The following SENP3 variants were observed in gnomAD, a reference collection of about 807,000 sequenced individuals.
SENP3 encodes the protein sentrin-specific protease 3.
Under a neutral mutation model 66.2 loss-of-function variants are expected in SENP3, and 11 were observed. The observed-to-expected ratio is 0.17, with a 90% CI of 0.10 to 0.28. SENP3 has a LOEUF of 0.28. Ranked by LOEUF, SENP3 falls within the 10% of genes least tolerant of loss-of-function variation. SENP3 has a pLI of 1.00. For missense variants in SENP3, 548 were observed against 743.7 expected (o/e 0.74, Z 3.06); for synonymous variants, 292 against 277.6 (o/e 1.05, Z -0.52).
Position 7,562,341 on chromosome 17 carries a change from G to A in SENP3, c.-12+78G>A. ...TGGGCCTCGCTCCCACCGAACCGGGGCCCAGAGGCCCGCATAGGGGCTTCT... is the reference window on the plus strand; with the variant it reads ...TGGGCCTCGCTCCCACCGAACCGGGACCCAGAGGCCCGCATAGGGGCTTCT... On this transcript the variant is annotated intron_variant, in intron 1 of 10. Transcript: ENST00000321337. This position sits in a 1 kb window ranked among gnomAD's most constrained non-coding sequence, Gnocchi z 5.0. 1.0e-5 allele frequency: 4 copies of A among 396,194 alleles called. No individual in the cohort carries two copies. Among genetic ancestry groups the A allele is most frequent in the Non-Finnish European group, 1.3e-5 (3 of 224,772 alleles). The allele number at this position is 396,194 out of a possible 1,614,324, so 24.5% of individuals were successfully genotyped here.
In SENP3 at chr17:7,564,940, C is replaced by T. The variant is rs1597839306; in HGVS notation, c.956-19C>T. 1 of 1,611,772 alleles carries T rather than the reference C, an allele frequency of 6.2e-7. No homozygotes were observed. Among genetic ancestry groups the T allele is most frequent in the East Asian group, 2.2e-5 (1 of 44,816 alleles). On this transcript the variant is annotated intron_variant, in intron 3 of 10. Coordinates refer to ENST00000321337, the MANE Select transcript of SENP3 (RefSeq NM_015670.6). ...GAGAGTCTGGAGGCCTCACCCCCTC[C>T]TCTCTCCCTTTCCACCAGGCATCTT...
At chr17:7,563,869 G>C in intron 2 of SENP3, 78 bp downstream of exon 2, 2 of 1,265,042 alleles carry the variant, frequency 1.6e-6, no homozygotes, top group South Asian at 3.1e-5. Context: ...GGAGCCTGTT[G>C]CCATGGTGAG....
chr17:7,563,305 G>A lies in SENP3; in HGVS notation c.229G>A (p.Glu77Lys), dbSNP rs533827575. 8 of 1,552,868 alleles carry A rather than the reference G, an allele frequency of 5.2e-6. No homozygotes were observed. Among genetic ancestry groups the A allele is most frequent in the Non-Finnish European group, 7.0e-6 (8 of 1,147,658 alleles). Residue 77 changes from glutamate (E) to lysine (K), a missense_variant, in exon 2 of 11, where the codon GAG becomes AAG. By Grantham distance (56) the Glu-to-Lys change is moderately conservative (BLOSUM62 1). This residue lies in a region of SENP3 where 164 missense variants were observed against 167.9 expected (regional missense o/e 0.98). Transcript: ENST00000321337. The stretch of plus-strand genomic sequence containing the variant: ...CTCTTTTGATGCCTCAGCAAGTGAA[G>A]AGGAGGAAGAAGAGGAGGAGGAGGA... ...RPSFDASASE[E>K]EEEEEEEEDE...
In SENP3 at chr17:7,563,502, C is replaced by G. The variant is rs999027394; in HGVS notation, c.426C>G (p.Thr142=). The G allele has an allele frequency of 1.9e-6, 3 of 1,550,326 alleles. No individual in the cohort carries two copies. The African/African-American group carries it at 4.1e-5, about 21-fold the overall frequency. The change falls in exon 2 of 11, where the codon ACC becomes ACG. Residue 142 remains threonine, a synonymous_variant. Transcript: ENST00000321337. ...AFRMLLYSKS[T]SLTFHWKLWG... ...GGATGCTGCTCTACTCAAAAAGCAC[C>G]TCGCTGACATTCCACTGGAAGCTTT...
intron 2 of SENP3, among the ~76,000 whole-genome samples, chr17:7,564,050 C>G (rs1449126519): frequency 6.6e-6 from 1 of 152,140 alleles, no homozygotes; most frequent in Admixed American, 6.5e-5. Context: ...GTCTTGAGCG[C>G]AGATGAGAAA....
intron 4 of SENP3, 130 bp from the exon 5 acceptor site, chr17:7,565,310 T>G: frequency 9.0e-7 from 1 of 1,111,832 alleles, no homozygotes; most frequent in Non-Finnish European, 1.3e-6. Context: ...CTTTCGCAGG[T>G]CCTCAGAAGG....
Position 7,570,159 on chromosome 17 carries a change from C to T in SENP3, c.1342-197C>T, listed in dbSNP as rs1163447702. On this transcript the variant is annotated intron_variant, in intron 7 of 10. Coordinates refer to ENST00000321337, the MANE Select transcript of SENP3 (RefSeq NM_015670.6). This position sits in a 1 kb window ranked among gnomAD's most constrained non-coding sequence, Gnocchi z 5.4. Reference sequence around the variant, plus strand: ...TTCTCCAGTGTTCGTTCTGATGTCTCCTCCATTGTCTGACCTTCCTCCCTT... The same window carrying T: ...TTCTCCAGTGTTCGTTCTGATGTCTTCTCCATTGTCTGACCTTCCTCCCTT... Among the ~76,000 whole-genome samples, 1 of 152,146 alleles carries T rather than the reference C, an allele frequency of 6.6e-6. No homozygotes were observed. The highest frequency in any genetic ancestry group is 2.4e-5 in the African/African-American group (1 of 41,412).
intron 4 of SENP3, 68 bp downstream of exon 4, chr17:7,565,138 CT>C: frequency 8.3e-7 from 1 of 1,200,492 alleles, no homozygotes; most frequent in Non-Finnish European, 1.2e-6. Context: ...ATACTGCTGC[CT>C]TTTCTTCCAT....
In SENP3 at chr17:7,570,976, T is replaced by C. The variant is rs776112197; in HGVS notation, c.1614+43T>C. 3.8e-6 allele frequency: 6 copies of C among 1,586,116 alleles called. No individual in the cohort carries two copies. Among genetic ancestry groups the C allele is most frequent in the Non-Finnish European group, 5.2e-6 (6 of 1,159,528 alleles). On this transcript the variant is annotated intron_variant, in intron 10 of 10. Transcript: ENST00000321337. The surrounding 1 kb of genome is among the most constrained non-coding windows in gnomAD (Gnocchi z 5.4). ...CCACCTCCCCTAGCTCTGAAGTCAG[T>C]TGGGTTAAAGGGTCGGGAGGCTGTT...
chr17:7,563,117 A>C lies in SENP3; in HGVS notation c.41A>C (p.Glu14Ala). 6.6e-7 allele frequency: 1 copy of C among 1,520,038 alleles called. No homozygotes were observed. The highest frequency in any genetic ancestry group is 8.8e-7 in the Non-Finnish European group (1 of 1,136,384). 94.2% of individuals were successfully genotyped at this position (1,520,038 alleles called of 1,614,324 possible). A position where few individuals can be genotyped will look rare whatever the true frequency, so the allele number is the denominator to read the frequency against. The change falls in exon 2 of 11, where the codon GAG becomes GCG. Residue 14 changes from glutamate (E) to alanine (A), a missense_variant. Physicochemically the swap from Glu to Ala is moderately radical, Grantham distance 107 (BLOSUM62 -1). This residue lies in a region of SENP3 where 164 missense variants were observed against 167.9 expected (regional missense o/e 0.98). Transcript: ENST00000321337. ...CAAGGGACCGGGTCCTGGGGGCCTG[A>C]GCCTCCTGGACCCGGCATACCCCCA... The part of the protein sequence containing the change: ...TIQGTGSWGP[E>A]PPGPGIPPAY...
At position 7,564,837 on chromosome 17, in the gene SENP3, C is replaced by A; in HGVS notation, c.928C>A (p.Arg310=). The change falls in exon 3 of 11, where the codon CGA becomes AGA. Residue 310 remains arginine, a synonymous_variant. Coordinates refer to ENST00000321337, the MANE Select transcript of SENP3 (RefSeq NM_015670.6). The part of the protein sequence containing the change: ...GEKAGQHSPL[R]EEHVTCVQSI... ...GAAAGCCGGCCAGCACAGCCCCCTGCGAGAGGAGCATGTGACCTGCGTACA... is the reference window on the plus strand; with the variant it reads ...GAAAGCCGGCCAGCACAGCCCCCTGAGAGAGGAGCATGTGACCTGCGTACA... The A allele has an allele frequency of 1.2e-6, 2 of 1,611,744 alleles. No homozygotes were observed. Among genetic ancestry groups the A allele is most frequent in the Non-Finnish European group, 1.7e-6 (2 of 1,178,736 alleles).
intron 2 of SENP3, 71 bp from the exon 3 acceptor site, chr17:7,564,554 A>G (rs774489731): frequency 6.3e-7 from 1 of 1,586,242 alleles, no homozygotes; most frequent in South Asian, 1.1e-5. Flanking sequence ...TGCATGAGTC[A>G]ACTGTGTGCA....
chr17:7,565,701 C>G lies in SENP3; in HGVS notation c.1216-16C>G. 1.9e-6 allele frequency: 3 copies of G among 1,613,964 alleles called. No individual in the cohort carries two copies. The highest frequency in any genetic ancestry group is 2.5e-6 in the Non-Finnish European group (3 of 1,179,846). On this transcript the variant is annotated splice_polypyrimidine_tract_variant and intron_variant, in intron 5 of 10. Transcript: ENST00000321337. ...CCGCACCCTCCATGGCAAGCTGCCTCCCATCTTCTCCCCAGGTGATGAACA... is the reference window on the plus strand; with the variant it reads ...CCGCACCCTCCATGGCAAGCTGCCTGCCATCTTCTCCCCAGGTGATGAACA...
At chr17:7,563,822 G>T in intron 2 of SENP3, 31 bp downstream of exon 2, 12 of 1,461,654 alleles carry the variant, frequency 8.2e-6, no homozygotes, top group East Asian at 2.4e-5. Context: ...GGGGTTGCGG[G>T]GGAGGGGTTA....
chr17:7,562,190 G>A lies in SENP3; in HGVS notation c.-85G>A. The A allele has an allele frequency of 2.5e-6, 1 of 398,448 alleles. No individual in the cohort carries two copies. The highest frequency in any genetic ancestry group is 1.3e-4 in the South Asian group (1 of 7,946). The allele number at this position is 398,448 out of a possible 1,614,324, so 24.7% of individuals were successfully genotyped here. ...GAGTGGCGGGGCCGCCGCCGTCGCC[G>A]GAGAGATGAGCCGGGAAGCTTGAGG... On this transcript the variant is annotated 5_prime_UTR_variant, in exon 1 of 11. Transcript: ENST00000321337. The surrounding 1 kb of genome is among the most constrained non-coding windows in gnomAD (Gnocchi z 5.0).
At position 7,571,762 on chromosome 17, in the gene SENP3, G is replaced by A. The variant is rs2071317032; in HGVS notation, c.*279G>A. On this transcript the variant is annotated 3_prime_UTR_variant, in exon 11 of 11. Transcript: ENST00000321337. ...GGAGCAGTCATCCTCCCCCTTCCCC[G>A]TGCAGGGAGCAGGAAATCAGTGCTG... 1 of 212,340 alleles carries A rather than the reference G, an allele frequency of 4.7e-6. No individual in the cohort carries two copies. 13.2% of individuals were successfully genotyped at this position (212,340 alleles called of 1,614,324 possible).
rs755973705 is a variant in SENP3 at position 7,563,363 on chromosome 17, G to T, written c.287G>T (p.Trp96Leu). Residue 96 changes from tryptophan to leucine, a missense_variant, in exon 2 of 11, where the codon TGG (tryptophan) becomes TTG (leucine). Physicochemically the swap from Trp to Leu is moderately conservative, Grantham distance 61 (BLOSUM62 -2). Coordinates refer to ENST00000321337, the MANE Select transcript of SENP3 (RefSeq NM_015670.6). ...GATGAAGAGGAGGAAGTGGCAGCTT[G>T]GAGGCTGCCCCCAAGATGGAGTCAG... ...DEDEEEEVAA[W>L]RLPPRWSQLG... 1.3e-6 allele frequency: 2 copies of T among 1,551,640 alleles called. No individual in the cohort carries two copies. The highest frequency in any genetic ancestry group is 1.7e-6 in the Non-Finnish European group (2 of 1,147,068).
chr17:7,561,969 G>C lies in SENP3; in HGVS notation c.-306G>C. 2 of 395,124 alleles carry C rather than the reference G, an allele frequency of 5.1e-6. No homozygotes were observed. Among genetic ancestry groups the C allele is most frequent in the Non-Finnish European group, 8.9e-6 (2 of 223,528 alleles). 24.5% of individuals were successfully genotyped at this position (395,124 alleles called of 1,614,324 possible). On this transcript the variant is annotated 5_prime_UTR_variant, in exon 1 of 11. Coordinates refer to ENST00000321337, the MANE Select transcript of SENP3 (RefSeq NM_015670.6). This position sits in a 1 kb window ranked among gnomAD's most constrained non-coding sequence, Gnocchi z 4.4. ...CTGCCGGTGGGCCCGGGGCTCGCGG[G>C]AGGGGAAGGAGGAGGGGGGGAGGAG...
chr17:7,571,198 A>C (rs749741493), intron 10 of SENP3, among the ~76,000 whole-genome samples, 175 bp from the exon 11 acceptor site: 2 of 152,144 alleles, frequency 1.3e-5, no homozygotes, highest in Non-Finnish European at 2.9e-5. Flanking sequence ...CATCTAAAAC[A>C]TTCTATCAAG....
Sources: gnomAD v4.1 joint callset for allele counts (sites outside exome capture counted in the v4.1 genomes callset) on GRCh38, gnomAD v4.1.1 for gene constraint, gnomAD v4.1.1 regional missense constraint, Gnocchi (gnomAD v3.1) non-coding constraint, MANE v1.5 for transcripts, NCBI Gene and HGNC (gene_info 2026-07-23, HGNC 2026-07-21) for gene names.